The following SH3BP4 variants were observed in gnomAD, a reference collection of about 807,000 sequenced individuals.
SH3BP4 encodes the protein SH3 domain binding protein 4.
In SH3BP4, 33 loss-of-function variants were observed where a neutral mutation model predicts 65.5. The observed-to-expected ratio is 0.50, with a 90% CI of 0.38 to 0.67. The LOEUF (loss-of-function observed/expected upper bound fraction) is 0.67, where lower values mean the gene tolerates loss of function less well. Among genes scored for constraint, SH3BP4 ranks in the 30% least tolerant of loss-of-function variants. The pLI, the probability that SH3BP4 is intolerant of heterozygous loss-of-function variation, is 0.00. For synonymous variants in SH3BP4, 552 were observed against 545.5 expected (o/e 1.01, Z -0.17); for missense variants, 1,134 against 1,261.4 (o/e 0.90, Z 1.53).
At chr2:235,013,248 T>TG (rs1345861891) in intron 2 of SH3BP4, among the ~76,000 whole-genome samples, 1 of 152,162 alleles carries the variant, frequency 6.6e-6, no homozygotes, top group Non-Finnish European at 1.5e-5. Context: ...CCCTGGCCTG[T>TG]GTGGTTCGCT....
Position 234,977,396 on chromosome 2 carries a change from G to A in SH3BP4, c.-206-17907G>A, listed in dbSNP as rs771419458. Reference sequence around the variant, plus strand: ...ATCCTTTGTTCTCTCCAGCCCAGACGTGTAGAGGTGAGCCACCCTCCTGGC... The same window carrying A: ...ATCCTTTGTTCTCTCCAGCCCAGACATGTAGAGGTGAGCCACCCTCCTGGC... On this transcript the variant is annotated intron_variant, in intron 1 of 5. Transcript: ENST00000392011. This position sits in a 1 kb window ranked among gnomAD's most constrained non-coding sequence, Gnocchi z 5.1. Among the ~76,000 whole-genome samples, 10 of 152,230 alleles carry A rather than the reference G, an allele frequency of 6.6e-5. No homozygotes were observed. The highest frequency in any genetic ancestry group is 8.8e-5 in the Non-Finnish European group (6 of 68,044).
In SH3BP4 at chr2:235,053,921, G is replaced by A. The variant is rs1696146003; in HGVS notation, c.*105G>A. On this transcript the variant is annotated 3_prime_UTR_variant, in exon 6 of 6. Transcript: ENST00000392011. The stretch of plus-strand genomic sequence containing the variant: ...AGAGGGAGGAAGGGGCGGCTGCTCA[G>A]ACAGATTTAGGGCCCGCCAGCTAGG... 3 of 913,532 alleles carry A rather than the reference G, an allele frequency of 3.3e-6. No homozygotes were observed. The highest frequency in any genetic ancestry group is 5.1e-6 in the Non-Finnish European group (3 of 587,108). 56.6% of individuals were successfully genotyped at this position (913,532 alleles called of 1,614,324 possible). A position where few individuals can be genotyped will look rare whatever the true frequency, so the allele number is the denominator to read the frequency against.
intron 4 of SH3BP4, among the ~76,000 whole-genome samples, chr2:235,047,724 T>G (rs968230240): frequency 1.3e-5 from 2 of 152,106 alleles, no homozygotes; most frequent in East Asian, 3.9e-4. Flanking sequence ...GGGGCCAGAG[T>G]GAGCTGTCAC....
Position 235,042,736 on chromosome 2 carries a change from T to C in SH3BP4, c.1967T>C (p.Leu656Pro). ...PTFQDRPVSS[L>P]KFGKLLKTVV... ...TTCCAGGACCGCCCGGTGTCCAGCCTCAAGTTTGGTAAGTTGCTCAAGACT... is the reference window on the plus strand; with the variant it reads ...TTCCAGGACCGCCCGGTGTCCAGCCCCAAGTTTGGTAAGTTGCTCAAGACT... Residue 656 changes from leucine (L) to proline (P), a missense_variant, in exon 4 of 6, where the codon CTC becomes CCC. Coordinates refer to ENST00000392011, the MANE Select transcript of SH3BP4 (RefSeq NM_014521.3). This position sits in a 1 kb window ranked among gnomAD's most constrained non-coding sequence, Gnocchi z 7.3. 6.2e-7 allele frequency: 1 copy of C among 1,614,128 alleles called. No individual in the cohort carries two copies. The highest frequency in any genetic ancestry group is 8.5e-7 in the Non-Finnish European group (1 of 1,180,028).
chr2:235,038,257 AATATATATTATATATAATATATATTAT>A (rs1695459682), intron 3 of SH3BP4, among the ~76,000 whole-genome samples: 1 of 43,988 alleles, frequency 2.3e-5, no homozygotes, highest in African/African-American at 8.9e-5. Context: ...TATTATATAT[AATATATATTATATATAATATATATTAT>A]ATATAATATA....
At chr2:235,016,172 T>G (rs1344869851) in intron 2 of SH3BP4, among the ~76,000 whole-genome samples, 2 of 143,572 alleles carry the variant, frequency 1.4e-5, no homozygotes, top group Non-Finnish European at 3.1e-5. Context: ...GAGGGGTAGT[T>G]AAGGTGGCCA....
intron 4 of SH3BP4, among the ~76,000 whole-genome samples, chr2:235,049,611 A>G (rs553591181): frequency 7.2e-5 from 11 of 152,350 alleles, no homozygotes; most frequent in Middle Eastern, 3.4e-3. Context: ...GTATGCTTTT[A>G]TCTTCTGAAA....
In SH3BP4 at chr2:235,053,731, C is replaced by A. The variant is rs759753329; in HGVS notation, c.2807C>A (p.Thr936Asn). The change falls in exon 6 of 6, where the codon ACT becomes AAT. Residue 936 changes from threonine to asparagine, a missense_variant. By Grantham distance (65) the Thr-to-Asn change is moderately conservative. Transcript: ENST00000392011. ...NPITKRWKHL[T>N]GTLILVNSLD... ...ATCACCAAGCGCTGGAAGCACCTCA[C>A]TGGGACTCTGATCTTGGTGAACTCC... The A allele has an allele frequency of 3.3e-5, 54 of 1,614,254 alleles. No individual in the cohort carries two copies. Among genetic ancestry groups the A allele is most frequent in the Non-Finnish European group, 4.6e-5 (54 of 1,180,046 alleles).
At chr2:235,017,846 G>A (rs1694738451) in intron 2 of SH3BP4, among the ~76,000 whole-genome samples, 1 of 152,138 alleles carries the variant, frequency 6.6e-6, no homozygotes, top group Non-Finnish European at 1.5e-5. Context: ...TAGGTTGAAC[G>A]ACATCAAATG....
At chr2:234,987,485 G>C (rs1015862849) in intron 1 of SH3BP4, among the ~76,000 whole-genome samples, 1 of 152,166 alleles carries the variant, frequency 6.6e-6, no homozygotes, top group Non-Finnish European at 1.5e-5. Context: ...AGCAAAGGTC[G>C]TGGAGCTGGT....
At chr2:235,016,850 A>G (rs942861299) in intron 2 of SH3BP4, among the ~76,000 whole-genome samples, 1 of 151,748 alleles carries the variant, frequency 6.6e-6, no homozygotes, top group African/African-American at 2.4e-5. Flanking sequence ...CCAACCATCC[A>G]TCCATCCATC....
intron 1 of SH3BP4, among the ~76,000 whole-genome samples, chr2:234,994,085 A>T (rs1415266845): frequency 1.3e-5 from 2 of 152,084 alleles, no homozygotes; most frequent in Non-Finnish European, 2.9e-5. Flanking sequence ...CTACGTAGAG[A>T]TCAACTATAC....
In SH3BP4 at chr2:235,035,678, C is replaced by T. The variant is rs1011970644; in HGVS notation, c.118+558C>T. On this transcript the variant is annotated intron_variant, in intron 3 of 5. Coordinates refer to ENST00000392011, the MANE Select transcript of SH3BP4 (RefSeq NM_014521.3). This position sits in a 1 kb window ranked among gnomAD's most constrained non-coding sequence, Gnocchi z 5.0. Reference sequence around the variant, plus strand: ...AGACAGCCCCATTTGGCCCCAGGGCCGTGCTTTACCAACCCCTGATCTAGA... The same window carrying T: ...AGACAGCCCCATTTGGCCCCAGGGCTGTGCTTTACCAACCCCTGATCTAGA... Among the ~76,000 whole-genome samples the T allele has an allele frequency of 3.9e-5, 6 of 152,226 alleles. No homozygotes were observed. Among genetic ancestry groups the T allele is most frequent in the African/African-American group, 7.2e-5 (3 of 41,456 alleles).
In SH3BP4 at chr2:235,030,769, A is replaced by G. The variant is rs564380536; in HGVS notation, c.-132-4102A>G. 2.6e-5 allele frequency among the ~76,000 whole-genome samples: 4 copies of G among 152,218 alleles called. No individual in the cohort carries two copies. The East Asian group carries it at 7.7e-4, about 29-fold the overall frequency. On this transcript the variant is annotated intron_variant, in intron 2 of 5. Coordinates refer to ENST00000392011, the MANE Select transcript of SH3BP4 (RefSeq NM_014521.3). This position sits in a 1 kb window ranked among gnomAD's most constrained non-coding sequence, Gnocchi z 4.1. ...TCCATCCCGTGCCAGCCCCCTGTAG[A>G]TGCAGTGGTGTCTGGAGGAGCAGAG...
chr2:234,998,756 A>G (rs775042004), intron 2 of SH3BP4, among the ~76,000 whole-genome samples: 2 of 152,158 alleles, frequency 1.3e-5, no homozygotes, highest in African/African-American at 4.8e-5. Flanking sequence ...TAATTGGTTT[A>G]CTTTTGAGGT....
In SH3BP4 at chr2:234,969,633, G is replaced by C. The variant is rs963170812; in HGVS notation, c.-207+17463G>C. Among the ~76,000 whole-genome samples, 3 of 152,180 alleles carry C rather than the reference G, an allele frequency of 2.0e-5. No homozygotes were observed. The East Asian group carries it at 5.8e-4, about 29-fold the overall frequency. On this transcript the variant is annotated intron_variant, in intron 1 of 5. Transcript: ENST00000392011. Reference sequence around the variant, plus strand: ...TCGTGGTTGTACAGAATAAGCCTCCGCTTTTCCACACAGCACACGGAGCCT... The same window carrying C: ...TCGTGGTTGTACAGAATAAGCCTCCCCTTTTCCACACAGCACACGGAGCCT...
intron 1 of SH3BP4, among the ~76,000 whole-genome samples, chr2:234,988,911 A>G (rs186201955): frequency 1.1e-4 from 17 of 152,282 alleles, no homozygotes; most frequent in African/African-American, 4.1e-4. Flanking sequence ...GGGTAAGTGA[A>G]GCAGTTCTGT....
intron 2 of SH3BP4, among the ~76,000 whole-genome samples, chr2:235,004,671 T>C (rs1694237948): frequency 6.6e-6 from 1 of 152,246 alleles, no homozygotes; most frequent in Non-Finnish European, 1.5e-5. Flanking sequence ...GCAGACTGTT[T>C]CCAGGGTTCA....
chr2:235,036,776 A>G (rs1467237287), intron 3 of SH3BP4, among the ~76,000 whole-genome samples: 4 of 115,952 alleles, frequency 3.4e-5, no homozygotes, highest in Admixed American at 8.8e-5. Flanking sequence ...CTCTGGAGGA[A>G]ATATTGGCTG....
Sources: gnomAD v4.1 joint callset for allele counts (sites outside exome capture counted in the v4.1 genomes callset) on GRCh38, gnomAD v4.1.1 for gene constraint, Gnocchi (gnomAD v3.1) non-coding constraint, MANE v1.5 for transcripts, NCBI Gene and HGNC (gene_info 2026-07-23, HGNC 2026-07-21) for gene names.